GAREM1: variants seen among roughly 807,000 people sequenced by gnomAD.
GAREM1 encodes the protein GRB2 associated regulator of MAPK1 subtype 1.
A neutral mutation model predicts 71.3 loss-of-function variants in GAREM1; 26 were observed. That is an observed-to-expected ratio of 0.36 (90% CI 0.27 to 0.51). GAREM1 has a LOEUF of 0.51. Among genes scored for constraint, GAREM1 ranks in the 20% least tolerant of loss-of-function variants. GAREM1 has a pLI of 0.95. For missense variants in GAREM1, 1,026 were observed against 1,103.1 expected (o/e 0.93, Z 0.99); for synonymous variants, 440 against 433.2 (o/e 1.02, Z -0.20).
chr18:32,437,326 C>T lies in GAREM1; in HGVS notation c.121+32982G>A, dbSNP rs572401199. Reference sequence around the variant, plus strand: ...GGGATGGGATGGCATCATCTCAGGGCTTCCTTCCAGCTACAGAATCCTGAG... The same window carrying T: ...GGGATGGGATGGCATCATCTCAGGGTTTCCTTCCAGCTACAGAATCCTGAG... On this transcript the variant is annotated intron_variant, in intron 1 of 5. Transcript: ENST00000269209. Among the ~76,000 whole-genome samples, 196 of 152,284 alleles carry T rather than the reference C, an allele frequency of 1.3e-3. 1 individual carries two copies. The highest frequency in any genetic ancestry group is 4.5e-3 in the African/African-American group (188 of 41,578).
rs1343290575 is a variant in GAREM1 at position 32,268,640 on chromosome 18, G to A, written c.1862C>T (p.Ser621Phe). ...PFGSPSAEAV[S>F]SRLSWPNHYS... The stretch of plus-strand genomic sequence containing the variant: ...ATGGTTAGGCCATGAGAGCCGAGAG[G>A]ACACAGCTTCAGCAGAAGGACTTCC... The change falls in exon 6 of 6, where the codon TCC (serine) becomes TTC (phenylalanine). Residue 621 changes from serine to phenylalanine, a missense_variant. Transcript: ENST00000269209. 2 of 1,614,160 alleles carry A rather than the reference G, an allele frequency of 1.2e-6. No individual in the cohort carries two copies. The highest frequency in any genetic ancestry group is 1.7e-6 in the Non-Finnish European group (2 of 1,180,034).
chr18:32,276,722 T>C (rs1425560770), intron 4 of GAREM1, among the ~76,000 whole-genome samples: 1 of 152,064 alleles, frequency 6.6e-6, no homozygotes, highest in Non-Finnish European at 1.5e-5. Flanking sequence ...ATTCATCAGA[T>C]AGAAATTTAG....
In GAREM1 at chr18:32,470,671, G is replaced by A. The variant is rs993385110; in HGVS notation, c.-243C>T. Among the ~76,000 whole-genome samples, 1 of 149,466 alleles carries A rather than the reference G, an allele frequency of 6.7e-6. No individual in the cohort carries two copies. Among genetic ancestry groups the A allele is most frequent in the African/African-American group, 2.4e-5 (1 of 41,076 alleles). ...CCCGCGTGCCCTCACGCCCGGAGAA[G>A]ACTCAGAGCAGCCGCGCGGCTGCGG... On this transcript the variant is annotated 5_prime_UTR_variant, in exon 1 of 6. Transcript: ENST00000269209. The surrounding 1 kb of genome is among the most constrained non-coding windows in gnomAD (Gnocchi z 4.4).
chr18:32,364,020 A>AT (rs1333086760), intron 2 of GAREM1, among the ~76,000 whole-genome samples: 5 of 49,524 alleles, frequency 1.0e-4, no homozygotes, highest in African/African-American at 7.7e-4. Flanking sequence ...ATATATATAT[A>AT]TATATATGTT....
At chr18:32,270,666 G>A (rs780450025) in intron 4 of GAREM1, among the ~76,000 whole-genome samples, 4 of 152,090 alleles carry the variant, frequency 2.6e-5, no homozygotes, top group Non-Finnish European at 4.4e-5. Context: ...TATGAAATAC[G>A]GCAAGTTAAA....
At chr18:32,362,644 C>T (rs973211915) in intron 2 of GAREM1, among the ~76,000 whole-genome samples, 2 of 152,106 alleles carry the variant, frequency 1.3e-5, no homozygotes, top group African/African-American at 2.4e-5. Context: ...TGGGATAAAA[C>T]CCCTAATATT....
chr18:32,374,752 T>C (rs138029417), intron 2 of GAREM1, among the ~76,000 whole-genome samples: 72 of 152,354 alleles, frequency 4.7e-4, no homozygotes, highest in African/African-American at 1.6e-3. Context: ...ATTCAACTGT[T>C]CAACCATTTA....
At chr18:32,389,226 T>C (rs1380765305) in intron 2 of GAREM1, among the ~76,000 whole-genome samples, 1 of 151,880 alleles carries the variant, frequency 6.6e-6, no homozygotes, top group African/African-American at 2.4e-5. Flanking sequence ...CATTGAGGGG[T>C]GTCAGTATTC....
At chr18:32,276,745 T>C (rs576406954) in intron 4 of GAREM1, among the ~76,000 whole-genome samples, 12 of 152,200 alleles carry the variant, frequency 7.9e-5, no homozygotes, top group African/African-American at 2.2e-4. Flanking sequence ...GAACAGGGCT[T>C]GGGAAAAGCA....
At chr18:32,324,117 C>A (rs1327054278) in intron 2 of GAREM1, among the ~76,000 whole-genome samples, 2 of 152,186 alleles carry the variant, frequency 1.3e-5, no homozygotes, top group Non-Finnish European at 2.9e-5. Context: ...TAAAGCTACG[C>A]TGCCACCGTA....
chr18:32,451,428 C>T (rs544612402), intron 1 of GAREM1, among the ~76,000 whole-genome samples: 1 of 152,298 alleles, frequency 6.6e-6, no homozygotes, highest in South Asian at 2.1e-4. Context: ...CTCGCCTACT[C>T]TGCCTCATAC....
At chr18:32,382,065 T>TC (rs2048102990) in intron 2 of GAREM1, among the ~76,000 whole-genome samples, 1 of 152,194 alleles carries the variant, frequency 6.6e-6, no homozygotes, top group Admixed American at 6.5e-5. Context: ...TGACTTGTTC[T>TC]CCAGGTAGTT....
chr18:32,265,668 T>C lies in GAREM1; in HGVS notation c.*2203A>G, dbSNP rs2041363250. 6.6e-6 allele frequency: 1 copy of C among 152,064 alleles called. No individual in the cohort carries two copies. Among genetic ancestry groups the C allele is most frequent in the South Asian group, 2.1e-4 (1 of 4,812 alleles). 9.4% of individuals were successfully genotyped at this position (152,064 alleles called of 1,614,324 possible). A position where few individuals can be genotyped will look rare whatever the true frequency, so the allele number is the denominator to read the frequency against. On this transcript the variant is annotated 3_prime_UTR_variant, in exon 6 of 6. Coordinates refer to ENST00000269209, the MANE Select transcript of GAREM1 (RefSeq NM_001242409.2). ...CCAAGTCCAAAACAAGCAAAAAGAATTTAAAACCCTATTTTGTGTAAAGTT... is the reference window on the plus strand; with the variant it reads ...CCAAGTCCAAAACAAGCAAAAAGAACTTAAAACCCTATTTTGTGTAAAGTT...
chr18:32,392,966 A>G lies in GAREM1; in HGVS notation c.191T>C (p.Ile64Thr). The change falls in exon 2 of 6, where the codon ATC becomes ACC. Residue 64 changes from isoleucine to threonine, a missense_variant. Physicochemically the swap from Ile to Thr is moderately conservative, Grantham distance 89 (BLOSUM62 -1). This residue lies in a region of GAREM1 where 172 missense variants were observed against 175.2 expected (regional missense o/e 0.98). Transcript: ENST00000269209. ...LIHSCRQWTT[I>T]TAHSLEEGHY... ...ACCCTCCTCCAAGCTGTGGGCAGTG[A>G]TGGTGGTCCACTGGCGGCAGGAATG... The G allele has an allele frequency of 1.2e-6, 2 of 1,613,848 alleles. No homozygotes were observed. Among genetic ancestry groups the G allele is most frequent in the Non-Finnish European group, 1.7e-6 (2 of 1,179,868 alleles).
intron 1 of GAREM1, among the ~76,000 whole-genome samples, chr18:32,455,940 T>G (rs10502602): frequency 0.19 from 28,240 of 151,994 alleles, 2,823 homozygotes; most frequent in Admixed American, 0.24. Context: ...AAACAGGTCT[T>G]TGAATAAATG....
intron 2 of GAREM1, among the ~76,000 whole-genome samples, chr18:32,320,437 A>G (rs2047418051): frequency 1.3e-5 from 2 of 152,146 alleles, no homozygotes; most frequent in Non-Finnish European, 2.9e-5. Context: ...GTTAGTTCCT[A>G]AAATTACTAT....
intron 1 of GAREM1, among the ~76,000 whole-genome samples, chr18:32,402,895 G>A (rs2048329185): frequency 8.7e-6 from 1 of 114,526 alleles, no homozygotes; most frequent in Non-Finnish European, 1.8e-5. Context: ...GGACCTTTTG[G>A]TTGGATTTTC....
At chr18:32,315,977 C>T (rs969553362) in intron 2 of GAREM1, among the ~76,000 whole-genome samples, 2 of 152,072 alleles carry the variant, frequency 1.3e-5, no homozygotes, top group Non-Finnish European at 2.9e-5. Context: ...TTTTCTATTG[C>T]GTCTGTGATC....
chr18:32,378,689 A>T (rs28584588), intron 2 of GAREM1, among the ~76,000 whole-genome samples: 7,527 of 152,086 alleles, frequency 0.049, 610 homozygotes, highest in African/African-American at 0.17. Context: ...CTGGCTGACA[A>T]GAGGGTTAAA....
Sources: gnomAD v4.1 joint callset for allele counts (sites outside exome capture counted in the v4.1 genomes callset) on GRCh38, gnomAD v4.1.1 for gene constraint, gnomAD v4.1.1 regional missense constraint, Gnocchi (gnomAD v3.1) non-coding constraint, MANE v1.5 for transcripts, NCBI Gene and HGNC (gene_info 2026-07-23, HGNC 2026-07-21) for gene names.